NELL1: variants seen among roughly 807,000 people sequenced by gnomAD.
NELL1 encodes protein kinase C-binding protein NELL1.
In NELL1, 76 loss-of-function variants were observed where a neutral mutation model predicts 107.4. That is an observed-to-expected ratio of 0.71 (90% confidence interval 0.59 to 0.86). The LOEUF (loss-of-function observed/expected upper bound fraction) is 0.86, where lower values mean the gene tolerates loss of function less well. Ranked by LOEUF, NELL1 falls within the 40% of genes least tolerant of loss-of-function variation. NELL1 has a pLI of 0.00. For missense variants in NELL1, 1,024 were observed against 1,005.5 expected, an observed-to-expected ratio of 1.02 and a Z score of -0.25; for synonymous variants, 353 against 341.2, an observed-to-expected ratio of 1.03 and a Z score of -0.38.
intron 15 of NELL1, among the ~76,000 whole-genome samples, chr11:21,497,956 A>G (rs1855026730): frequency 6.6e-6 from 1 of 151,938 alleles, no homozygotes; most frequent in Non-Finnish European, 1.5e-5. Flanking sequence ...TGATATCAAT[A>G]TTACTACTCC....
At chr11:21,164,584 T>C (rs1463721876) in intron 13 of NELL1, among the ~76,000 whole-genome samples, 1 of 152,230 alleles carries the variant, frequency 6.6e-6, no homozygotes, top group Non-Finnish European at 1.5e-5. Context: ...TAATCTATTA[T>C]GGAAAGAGTT....
intron 12 of NELL1, among the ~76,000 whole-genome samples, chr11:20,984,952 A>G (rs185978015): frequency 1.3e-5 from 2 of 152,300 alleles, no homozygotes; most frequent in East Asian, 3.9e-4. Flanking sequence ...GGTCTGACCA[A>G]GTTAGTGGTT....
At chr11:21,123,275 G>A (rs1469651294) in intron 13 of NELL1, among the ~76,000 whole-genome samples, 1 of 151,588 alleles carries the variant, frequency 6.6e-6, no homozygotes, top group African/African-American at 2.4e-5. Flanking sequence ...TGTAGTACTT[G>A]GATAACTTAC....
At chr11:20,997,967 A>G (rs971009906) in intron 12 of NELL1, among the ~76,000 whole-genome samples, 5 of 152,000 alleles carry the variant, frequency 3.3e-5, no homozygotes, top group Admixed American at 1.3e-4. Flanking sequence ...CCAAGACCCT[A>G]TCTCTAAACA....
At chr11:20,882,611 C>G (rs1365245054) in intron 4 of NELL1, among the ~76,000 whole-genome samples, 1 of 152,222 alleles carries the variant, frequency 6.6e-6, no homozygotes, top group Non-Finnish European at 1.5e-5. Flanking sequence ...TCATGACCCT[C>G]TACCCCTAAA....
intron 3 of NELL1, among the ~76,000 whole-genome samples, chr11:20,810,371 CT>C (rs1338676938): frequency 6.6e-6 from 1 of 152,136 alleles, no homozygotes; most frequent in African/African-American, 2.4e-5. Flanking sequence ...CCCTCACCCC[CT>C]CTCACTCGTC....
intron 15 of NELL1, among the ~76,000 whole-genome samples, chr11:21,389,583 T>C (rs1851822305): frequency 6.6e-6 from 1 of 151,792 alleles, no homozygotes; most frequent in Non-Finnish European, 1.5e-5. Flanking sequence ...GATATGTATA[T>C]AGAAAAGCAC....
Position 21,025,378 on chromosome 11 carries a change from G to A in NELL1, c.1300+64818G>A, listed in dbSNP as rs569475987. ...CAGCAAGGTTAAGTAACTTCCCAGG[G>A]TCTCAGAGCTGGTAAGTGAGGGAAT... On this transcript the variant is annotated intron_variant, in intron 12 of 19. Coordinates refer to ENST00000357134, the MANE Select transcript of NELL1 (RefSeq NM_006157.5). 2.7e-4 allele frequency among the ~76,000 whole-genome samples: 41 copies of A among 151,724 alleles called. 2 individuals are homozygous for A. In the South Asian group the frequency reaches 8.4e-3, roughly 31 times the overall value.
intron 12 of NELL1, among the ~76,000 whole-genome samples, chr11:21,009,189 C>T (rs568595625): frequency 6.6e-6 from 1 of 152,264 alleles, no homozygotes; most frequent in South Asian, 2.1e-4. Context: ...ATTCCTGGAA[C>T]ATTAATTCAC....
intron 12 of NELL1, among the ~76,000 whole-genome samples, chr11:21,083,268 T>C (rs947011546): frequency 1.3e-5 from 2 of 152,180 alleles, no homozygotes; most frequent in South Asian, 4.1e-4. Flanking sequence ...AGCAGATTGC[T>C]GGGTGTGTGT....
At chr11:20,719,652 G>C (rs935122156) in intron 2 of NELL1, among the ~76,000 whole-genome samples, 2 of 152,086 alleles carry the variant, frequency 1.3e-5, no homozygotes, top group South Asian at 4.1e-4. Context: ...TTCCATTATA[G>C]TCTTGAAAAA....
At position 21,506,248 on chromosome 11, in the gene NELL1, C is replaced by T. The variant is rs144001929; in HGVS notation, c.1646-28126C>T. Among the ~76,000 whole-genome samples the T allele has an allele frequency of 3.7e-3, 566 of 152,298 alleles. 3 individuals are homozygous for T. The highest frequency in any genetic ancestry group is 0.013 in the African/African-American group (551 of 41,552). ...TCTGACATTGTCAAGAAACTTAAGA[C>T]AACCGATCTTGGTGATACAGACCCG... On this transcript the variant is annotated intron_variant, in intron 15 of 19. Coordinates refer to ENST00000357134, the MANE Select transcript of NELL1 (RefSeq NM_006157.5).
chr11:20,866,843 C>T (rs1239338548), intron 4 of NELL1, among the ~76,000 whole-genome samples: 1 of 152,168 alleles, frequency 6.6e-6, no homozygotes, highest in African/African-American at 2.4e-5. Flanking sequence ...ACCTGTAACC[C>T]TTGCCTCCAA....
At position 21,059,278 on chromosome 11, in the gene NELL1, T is replaced by C. The variant is rs1056379199; in HGVS notation, c.1301-54311T>C. Among the ~76,000 whole-genome samples the C allele has an allele frequency of 2.0e-4, 29 of 144,596 alleles. 1 individual carries two copies. The South Asian group carries it at 6.5e-3, about 33-fold the overall frequency. The allele number at this position is 144,596 out of a possible 152,430, so 94.9% of individuals were successfully genotyped here. A position where few individuals can be genotyped will look rare whatever the true frequency, so the allele number is the denominator to read the frequency against. On this transcript the variant is annotated intron_variant, in intron 12 of 19. Coordinates refer to ENST00000357134, the MANE Select transcript of NELL1 (RefSeq NM_006157.5). ...AAGTTTTGTTTTGTTTTTTTTTTTT[T>C]CAAATTTGTATCTGCAGATAAAAAA...
intron 4 of NELL1, among the ~76,000 whole-genome samples, chr11:20,868,687 A>C (rs1849140202): frequency 6.6e-6 from 1 of 152,222 alleles, no homozygotes; most frequent in South Asian, 2.1e-4. Flanking sequence ...ATCGCAATGC[A>C]AGGAAATAAA....
At chr11:21,254,256 G>T (rs1405175343) in intron 14 of NELL1, among the ~76,000 whole-genome samples, 1 of 151,994 alleles carries the variant, frequency 6.6e-6, no homozygotes, top group African/African-American at 2.4e-5. Context: ...CATATGTTAA[G>T]TATAAGACTA....
intron 13 of NELL1, among the ~76,000 whole-genome samples, chr11:21,155,164 T>C (rs1386221981): frequency 3.3e-5 from 5 of 152,180 alleles, no homozygotes; most frequent in Non-Finnish European, 5.9e-5. Context: ...TTTCAGGCTT[T>C]GACTCAGGGG....
At chr11:21,019,216 T>A (rs1243763502) in intron 12 of NELL1, among the ~76,000 whole-genome samples, 10 of 152,102 alleles carry the variant, frequency 6.6e-5, no homozygotes. Context: ...GGTGTGTTAG[T>A]CTGATTAAAT....
At chr11:21,037,484 A>C (rs76613352) in intron 12 of NELL1, among the ~76,000 whole-genome samples, 21 of 152,080 alleles carry the variant, frequency 1.4e-4, no homozygotes, top group Admixed American at 1.2e-3. Flanking sequence ...CTCATTATCC[A>C]TCTCCCTTTT....
Sources: gnomAD v4.1 joint callset for allele counts (sites outside exome capture counted in the v4.1 genomes callset) on GRCh38, gnomAD v4.1.1 for gene constraint, MANE v1.5 for transcripts, NCBI Gene and HGNC (gene_info 2026-07-23, HGNC 2026-07-21) for gene names.